Variants in ZSCAN21 observed in about 807,000 individuals in gnomAD.
ZSCAN21 encodes zinc finger and SCAN domain containing 21.
A neutral mutation model predicts 35.6 loss-of-function variants in ZSCAN21; 26 were observed. The observed-to-expected ratio is 0.73, with a 90% CI of 0.54 to 1.01. The LOEUF is 1.01. Ranked by LOEUF, ZSCAN21 falls within the 50% of genes least tolerant of loss-of-function variation. The probability of loss-of-function intolerance (pLI) is 0.00; values close to 1 mark genes in which losing one functional copy is unlikely to be tolerated. For synonymous variants in ZSCAN21, 219 were observed against 219.3 expected (o/e 1.00, Z 0.01); for missense variants, 593 against 587.1 (o/e 1.01, Z -0.10).
At position 100,057,291 on chromosome 7, in the gene ZSCAN21, C is replaced by T; in HGVS notation, c.285C>T (p.Thr95=). ...TACTGGTGCTGGAGCAGTTCCTGAC[C>T]ATCCTGCCCCAGGAGCTCCAGGCCT... ...LELLVLEQFL[T]ILPQELQAWV... The change falls in exon 2 of 4, where the codon ACC becomes ACT. Residue 95 remains threonine, a synonymous_variant. Transcript: ENST00000292450. 1 of 1,613,658 alleles carries T rather than the reference C, an allele frequency of 6.2e-7. No individual in the cohort carries two copies. The highest frequency in any genetic ancestry group is 8.5e-7 in the Non-Finnish European group (1 of 1,179,874).
intron 1 of ZSCAN21, among the ~76,000 whole-genome samples, chr7:100,051,277 ATTTTCTTT>A (rs1791862269): frequency 2.2e-5 from 1 of 45,104 alleles, no homozygotes; most frequent in African/African-American, 6.9e-5. Flanking sequence ...GGATCTAGGG[ATTTTCTTT>A]TTTTTTTTTT....
chr7:100,062,279 TTC>T (rs1792338749), intron 3 of ZSCAN21, among the ~76,000 whole-genome samples: 1 of 149,516 alleles, frequency 6.7e-6, no homozygotes, highest in Non-Finnish European at 1.5e-5. Context: ...GGCTCAACTG[TTC>T]TTTTTTTTTT....
intron 1 of ZSCAN21, among the ~76,000 whole-genome samples, chr7:100,050,999 C>G (rs1328096315): frequency 6.6e-6 from 1 of 151,418 alleles, no homozygotes; most frequent in Non-Finnish European, 1.5e-5. Context: ...CGAGACCAGC[C>G]TGACCAACAT....
chr7:100,056,868 C>A, intron 1 of ZSCAN21, 43 bp from the exon 2 acceptor site: 1 of 928,814 alleles, frequency 1.1e-6, no homozygotes, highest in Non-Finnish European at 1.6e-6. Context: ...GACCCAAAAA[C>A]ACTTTTCAGT....
At chr7:100,051,552 C>T (rs1440605230) in intron 1 of ZSCAN21, 1 of 151,864 alleles carries the variant, frequency 6.6e-6, no homozygotes. Context: ...CCTCGGGCCT[C>T]CCAAAGTGCT....
chr7:100,056,458 T>C (rs1035277729), intron 1 of ZSCAN21, among the ~76,000 whole-genome samples: 3 of 147,740 alleles, frequency 2.0e-5, no homozygotes, highest in South Asian at 2.2e-4. Flanking sequence ...CCTGAGCTGA[T>C]TGCAGAAAGA....
intron 1 of ZSCAN21, among the ~76,000 whole-genome samples, chr7:100,056,223 G>A (rs1792071012): frequency 6.6e-6 from 1 of 152,146 alleles, no homozygotes; most frequent in African/African-American, 2.4e-5. Context: ...TTACAGGCGT[G>A]AGCCACCATG....
At chr7:100,051,021 G>C (rs754653023) in intron 1 of ZSCAN21, among the ~76,000 whole-genome samples, 1 of 151,080 alleles carries the variant, frequency 6.6e-6, no homozygotes, top group East Asian at 2.0e-4. Context: ...GAGAAACCCC[G>C]TCTCTACTAC....
rs1311369287 is a variant in ZSCAN21, at chr7:100,064,924, A to G, written c.*307A>G. The G allele has an allele frequency of 1.2e-6, 2 of 1,612,546 alleles. No individual in the cohort carries two copies. Among genetic ancestry groups the G allele is most frequent in the East Asian group, 4.5e-5 (2 of 44,888 alleles). Reference sequence around the variant, plus strand: ...GACGTGTATCCAGTCTAGTTAAGGAAGAAACATTAAGATTGTTTAATTTTT... The same window carrying G: ...GACGTGTATCCAGTCTAGTTAAGGAGGAAACATTAAGATTGTTTAATTTTT... On this transcript the variant is annotated 3_prime_UTR_variant, in exon 4 of 4. Coordinates refer to ENST00000292450, the MANE Select transcript of ZSCAN21 (RefSeq NM_145914.3).
chr7:100,061,218 A>AT (rs1686013702), intron 3 of ZSCAN21, among the ~76,000 whole-genome samples: 2 of 152,154 alleles, frequency 1.3e-5, no homozygotes, highest in Non-Finnish European at 2.9e-5. Context: ...TCATTCAGCT[A>AT]TTTTTTAAAA....
intron 1 of ZSCAN21, 44 bp from the exon 2 acceptor site, chr7:100,056,867 A>G (rs1052009002): frequency 1.1e-6 from 1 of 925,956 alleles, no homozygotes; most frequent in Non-Finnish European, 1.6e-6. Flanking sequence ...AGACCCAAAA[A>G]CACTTTTCAG....
At chr7:100,061,573 G>A (rs1301701427) in intron 3 of ZSCAN21, among the ~76,000 whole-genome samples, 1 of 152,198 alleles carries the variant, frequency 6.6e-6, no homozygotes, top group Non-Finnish European at 1.5e-5. Context: ...TGTAGTCCAT[G>A]GCTGTCCAGT....
chr7:100,050,079 A>G (rs1324727781), intron 1 of ZSCAN21, among the ~76,000 whole-genome samples: 1 of 152,146 alleles, frequency 6.6e-6, no homozygotes, highest in African/African-American at 2.4e-5. Flanking sequence ...AGCTGGAAGA[A>G]CAGATGTTTT....
At chr7:100,061,175 A>G (rs1463983981) in intron 3 of ZSCAN21, among the ~76,000 whole-genome samples, 10 of 152,176 alleles carry the variant, frequency 6.6e-5, no homozygotes, top group Admixed American at 6.5e-4. Context: ...AATGAAATAA[A>G]TAGTCCTGGT....
In ZSCAN21 at chr7:100,064,138, A is replaced by C; in HGVS notation, c.943A>C (p.Ser315Arg). 1 of 1,614,216 alleles carries C rather than the reference A, an allele frequency of 6.2e-7. No individual in the cohort carries two copies. Among genetic ancestry groups the C allele is most frequent in the Non-Finnish European group, 8.5e-7 (1 of 1,180,040 alleles). ...GTGCACCAAGTGTGGGAAAGCTTTC[A>C]GCCACAGCTCAAACCTCACCCTCCA... ...YVCTKCGKAFSHSSNLTLHYR... is the reference protein window; with the variant it reads ...YVCTKCGKAFRHSSNLTLHYR... Residue 315 changes from serine (S) to arginine (R), a missense_variant, in exon 4 of 4, where the codon AGC becomes CGC. By Grantham distance (110) the Ser-to-Arg change is moderately radical (BLOSUM62 -1). Coordinates refer to ENST00000292450, the MANE Select transcript of ZSCAN21 (RefSeq NM_145914.3).
intron 1 of ZSCAN21, among the ~76,000 whole-genome samples, chr7:100,055,088 T>G (rs1792029416): frequency 6.6e-6 from 1 of 150,658 alleles, no homozygotes; most frequent in African/African-American, 2.4e-5. Context: ...CCTGACTAGC[T>G]GGGATTACAG....
intron 3 of ZSCAN21, among the ~76,000 whole-genome samples, chr7:100,058,733 A>T (rs948069887): frequency 6.6e-6 from 1 of 152,228 alleles, no homozygotes; most frequent in Admixed American, 6.5e-5. Flanking sequence ...TTTCTGAGAC[A>T]GGGATTCCAT....
At chr7:100,063,722 C>G in intron 3 of ZSCAN21, 66 bp from the exon 4 acceptor site, 1 of 1,470,806 alleles carries the variant, frequency 6.8e-7, no homozygotes, top group Non-Finnish European at 9.2e-7. Context: ...TTCTATCTCT[C>G]TGGTAACAGT....
intron 1 of ZSCAN21, among the ~76,000 whole-genome samples, chr7:100,056,710 C>T (rs534025303): frequency 1.8e-4 from 28 of 152,198 alleles, no homozygotes; most frequent in East Asian, 7.7e-4. Flanking sequence ...GTGATCCACC[C>T]GTCTCAGCCT....
Sources: allele counts gnomAD v4.1 joint callset (sites outside exome capture counted in the v4.1 genomes callset), GRCh38; gene constraint gnomAD v4.1.1; transcripts MANE v1.5; gene names NCBI Gene and HGNC (gene_info 2026-07-23, HGNC 2026-07-21).